Variants in ACACA observed in about 807,000 individuals in gnomAD.
The protein encoded by ACACA is acetyl-CoA carboxylase alpha.
ACACA carries 103 observed loss-of-function variants against 296.1 expected under a neutral mutation model. The observed-to-expected ratio is 0.35, with a 90% CI of 0.30 to 0.41. ACACA has a LOEUF of 0.41. Ranked by LOEUF, ACACA falls within the 10% of genes least tolerant of loss-of-function variation. The probability of loss-of-function intolerance (pLI) is 1.00; values close to 1 mark genes in which losing one functional copy is unlikely to be tolerated. For synonymous variants in ACACA, 953 were observed against 1,038.6 expected, an observed-to-expected ratio of 0.92 and a Z score of 1.58; for missense variants, 1,554 against 2,989.7, an observed-to-expected ratio of 0.52 and a Z score of 11.20.
At chr17:37,278,573 A>C (rs575398229) in intron 5 of ACACA, among the ~76,000 whole-genome samples, 5 of 152,342 alleles carry the variant, frequency 3.3e-5, no homozygotes, top group African/African-American at 1.2e-4. Context: ...TTTCTCATAT[A>C]TATTTGTTGT....
At chr17:37,215,841 G>A (rs1234357953) in intron 29 of ACACA, among the ~76,000 whole-genome samples, 1 of 152,080 alleles carries the variant, frequency 6.6e-6, no homozygotes, top group Non-Finnish European at 1.5e-5. Flanking sequence ...AATATTCAAT[G>A]ATATAGTTTG....
At chr17:37,401,817 G>A (rs533240006) in intron 1 of ACACA, among the ~76,000 whole-genome samples, 14 of 152,232 alleles carry the variant, frequency 9.2e-5, no homozygotes, top group African/African-American at 3.4e-4. Flanking sequence ...ACCTAGGACT[G>A]TCAAAGTGTT....
rs145182762 is a variant in ACACA, at chr17:37,221,801, G to A, written c.3606C>T (p.Ser1202=). 1.2e-5 allele frequency: 20 copies of A among 1,613,940 alleles called. No homozygotes were observed. The highest frequency in any genetic ancestry group is 1.5e-5 in the Non-Finnish European group (18 of 1,179,964). Residue 1202 remains serine, a synonymous_variant, in exon 29 of 56, where the codon AGC becomes AGT. Transcript: ENST00000616317. ...TGTCCTTAAGCTGGCGGTGTTGTAC[G>A]CTGTTAAGTTCATAGGCAATATAAG... ...RRAYIAYELN[S]VQHRQLKDNT...
At chr17:37,117,331 A>C (rs538843082) in intron 50 of ACACA, among the ~76,000 whole-genome samples, 24 of 152,340 alleles carry the variant, frequency 1.6e-4, no homozygotes, top group Middle Eastern at 3.4e-3. Flanking sequence ...GTAATCAGAG[A>C]CTTTAAAATA....
intron 11 of ACACA, among the ~76,000 whole-genome samples, chr17:37,260,271 TATATATATATATATATATATATATA>T (rs2081406495): frequency 1.3e-3 from 32 of 25,302 alleles, no homozygotes; most frequent in Admixed American, 3.6e-3. Flanking sequence ...TATATATATA[TATATATATATATATATATATATATA>T]TTTTTTTTTT....
intron 45 of ACACA, chr17:37,143,613 G>T: frequency 1.2e-6 from 1 of 822,370 alleles, no homozygotes; most frequent in Non-Finnish European, 1.9e-6. Context: ...TTCTTTAAAA[G>T]GAGTGAGTTG....
chr17:37,272,236 T>TG (rs1207626767), intron 9 of ACACA, among the ~76,000 whole-genome samples: 2 of 151,768 alleles, frequency 1.3e-5, no homozygotes, highest in African/African-American at 4.8e-5. Flanking sequence ...CACAGCCACT[T>TG]GGAGGCTGAG....
At chr17:37,095,473 C>T (rs1380548108) in intron 54 of ACACA, among the ~76,000 whole-genome samples, 2 of 152,210 alleles carry the variant, frequency 1.3e-5, no homozygotes, top group Non-Finnish European at 2.9e-5. Context: ...TAGAAGCACC[C>T]CAATTCACTG....
chr17:37,263,091 C>T (rs998634068), intron 11 of ACACA, among the ~76,000 whole-genome samples: 1 of 152,122 alleles, frequency 6.6e-6, no homozygotes, highest in African/African-American at 2.4e-5. Flanking sequence ...CTAATATATA[C>T]ACAACATAGG....
intron 25 of ACACA, among the ~76,000 whole-genome samples, chr17:37,230,088 AAAAT>A (rs1489234206): frequency 1.3e-5 from 2 of 150,132 alleles, no homozygotes; most frequent in Non-Finnish European, 3.0e-5. Flanking sequence ...AAATAAAATT[AAAAT>A]AAATAAATAA....
intron 3 of ACACA, among the ~76,000 whole-genome samples, chr17:37,292,850 C>A (rs2083137496): frequency 6.6e-6 from 1 of 152,038 alleles, no homozygotes; most frequent in Non-Finnish European, 1.5e-5. Flanking sequence ...GGCAACAGAG[C>A]AAGACTTAGT....
intron 45 of ACACA, among the ~76,000 whole-genome samples, chr17:37,134,133 TAAG>T (rs1202784711): frequency 1.3e-5 from 2 of 152,180 alleles, no homozygotes; most frequent in African/African-American, 2.4e-5. Context: ...TTGAGATACA[TAAG>T]AAGTACAAAT....
At chr17:37,089,179 T>C in intron 54 of ACACA, 105 bp from the exon 55 acceptor site, 1 of 1,511,836 alleles carries the variant, frequency 6.6e-7, no homozygotes, top group South Asian at 1.1e-5. Context: ...GTGTGCTCCG[T>C]GTCCACGATT....
chr17:37,089,334 T>C (rs895364015), intron 54 of ACACA, among the ~76,000 whole-genome samples: 7 of 152,226 alleles, frequency 4.6e-5, no homozygotes, highest in African/African-American at 1.7e-4. Flanking sequence ...GCTCATACCC[T>C]GACTCTGTCC....
At chr17:37,389,509 T>G in intron 1 of ACACA, 1 of 1,204,454 alleles carries the variant, frequency 8.3e-7, no homozygotes, top group Non-Finnish European at 1.1e-6. Flanking sequence ...CTGACCAACA[T>G]GACGAAACCC....
intron 32 of ACACA, among the ~76,000 whole-genome samples, chr17:37,206,316 T>C (rs1239609233): frequency 6.6e-6 from 1 of 152,062 alleles, no homozygotes. Context: ...AATAACATCA[T>C]AGAGAAAGAA....
chr17:37,382,508 T>C (rs941116565), intron 1 of ACACA, among the ~76,000 whole-genome samples: 1 of 152,034 alleles, frequency 6.6e-6, no homozygotes, highest in Non-Finnish European at 1.5e-5. Context: ...AACTTTAAAC[T>C]CTAGACTAAA....
chr17:37,194,270 T>C lies in ACACA; in HGVS notation c.4159-855A>G, dbSNP rs569799373. Among the ~76,000 whole-genome samples, 12 of 152,264 alleles carry C rather than the reference T, an allele frequency of 7.9e-5. No individual in the cohort carries two copies. The East Asian group carries it at 2.3e-3, about 29-fold the overall frequency. Reference sequence around the variant, plus strand: ...TGCAATATAATCAAACACTTATCAGTACAAGGCAGAGAGACCGGGACTAGC... The same window carrying C: ...TGCAATATAATCAAACACTTATCAGCACAAGGCAGAGAGACCGGGACTAGC... On this transcript the variant is annotated intron_variant, in intron 35 of 55. Coordinates refer to ENST00000616317, the MANE Select transcript of ACACA (RefSeq NM_198834.3).
At chr17:37,177,143 G>A (rs2077146448) in intron 41 of ACACA, among the ~76,000 whole-genome samples, 1 of 151,950 alleles carries the variant, frequency 6.6e-6, no homozygotes, top group Non-Finnish European at 1.5e-5. Flanking sequence ...AAAACATGTG[G>A]CTCCTATACT....
Sources: allele counts gnomAD v4.1 joint callset (sites outside exome capture counted in the v4.1 genomes callset), GRCh38; gene constraint gnomAD v4.1.1; transcripts MANE v1.5; gene names NCBI Gene and HGNC (gene_info 2026-07-23, HGNC 2026-07-21).